KIF21A: variants seen among roughly 807,000 people sequenced by gnomAD.
KIF21A encodes kinesin family member 21A.
Under a neutral mutation model 202.9 loss-of-function variants are expected in KIF21A, and 114 were observed. The observed-to-expected ratio is 0.56, with a 90% confidence interval of 0.48 to 0.66. KIF21A has a LOEUF of 0.66. Ranked by LOEUF, KIF21A falls within the 30% of genes least tolerant of loss-of-function variation. The pLI is 0.00. For missense variants in KIF21A, 1,677 were observed against 1,994.9 expected, an observed-to-expected ratio of 0.84 and a Z score of 3.04; for synonymous variants, 667 against 670.8, an observed-to-expected ratio of 0.99 and a Z score of 0.09.
At chr12:39,370,312 A>T (rs777132529) in intron 1 of KIF21A, 51 bp from the exon 2 acceptor site, 11 of 1,407,726 alleles carry the variant, frequency 7.8e-6, no homozygotes, top group Non-Finnish European at 1.1e-5. Context: ...GCAAAAAAAA[A>T]CCTCTCAAAA....
chr12:39,360,391 T>C (rs1434072228), intron 7 of KIF21A, among the ~76,000 whole-genome samples: 1 of 140,082 alleles, frequency 7.1e-6, no homozygotes, highest in African/African-American at 2.9e-5. Context: ...ATTAGAAATA[T>C]GATTTTTTTT....
At chr12:39,320,726 T>C (rs566291564) in intron 27 of KIF21A, among the ~76,000 whole-genome samples, 1 of 150,928 alleles carries the variant, frequency 6.6e-6, no homozygotes, top group Non-Finnish European at 1.5e-5. Flanking sequence ...CTTGAGGTCA[T>C]GAGTTCAAAA....
At chr12:39,418,649 A>G (rs1336286093) in intron 1 of KIF21A, among the ~76,000 whole-genome samples, 1 of 152,230 alleles carries the variant, frequency 6.6e-6, no homozygotes, top group Non-Finnish European at 1.5e-5. Flanking sequence ...CTACAGTAGC[A>G]TCAGTGAGAA....
chr12:39,364,837 A>C (rs980982123), intron 6 of KIF21A, among the ~76,000 whole-genome samples: 1 of 152,140 alleles, frequency 6.6e-6, no homozygotes, highest in African/African-American at 2.4e-5. Flanking sequence ...CCTGAAACAA[A>C]CCTCTTCTTC....
At chr12:39,388,184 C>T (rs1345950694) in intron 1 of KIF21A, among the ~76,000 whole-genome samples, 3 of 152,026 alleles carry the variant, frequency 2.0e-5, no homozygotes, top group Non-Finnish European at 4.4e-5. Context: ...CCCTCCATGG[C>T]GGGGACCGGA....
chr12:39,394,969 T>G (rs1246333730), intron 1 of KIF21A, among the ~76,000 whole-genome samples: 1 of 152,204 alleles, frequency 6.6e-6, no homozygotes, highest in African/African-American at 2.4e-5. Context: ...CTCTCTTACC[T>G]ATCTCACACC....
intron 23 of KIF21A, 118 bp downstream of exon 23, chr12:39,330,628 G>T: frequency 1.2e-6 from 1 of 854,900 alleles, no homozygotes. Flanking sequence ...ATTATTAAAA[G>T]CATGAGTAAA....
chr12:39,320,948 AAAAAAAAAAAAG>A (rs1945171065), intron 27 of KIF21A, among the ~76,000 whole-genome samples: 2 of 150,958 alleles, frequency 1.3e-5, no homozygotes, highest in African/African-American at 4.9e-5. Flanking sequence ...AAAAAAAAAA[AAAAAAAAAAAAG>A]TCTGGGAAAA....
At chr12:39,351,751 AT>A (rs748510545) in intron 11 of KIF21A, 25 bp downstream of exon 11, 1 of 1,332,710 alleles carries the variant, frequency 7.5e-7, no homozygotes, top group South Asian at 1.2e-5. Context: ...ATAGAGATTC[AT>A]TTAGTGGTGA....
At position 39,333,324 on chromosome 12, in the gene KIF21A, T is replaced by C. The variant is rs765450513; in HGVS notation, c.2419-44A>G. 34 of 1,320,834 alleles carry C rather than the reference T, an allele frequency of 2.6e-5. No individual in the cohort carries two copies. The East Asian group carries it at 6.4e-4, about 25-fold the overall frequency. 81.8% of individuals were successfully genotyped at this position (1,320,834 alleles called of 1,614,324 possible). A position where few individuals can be genotyped will look rare whatever the true frequency, so the allele number is the denominator to read the frequency against. Reference sequence around the variant, plus strand: ...TAAGTGGAAATAGTAAAGTGAAAGATACAATATTTCCTATTCCTATATGAA... The same window carrying C: ...TAAGTGGAAATAGTAAAGTGAAAGACACAATATTTCCTATTCCTATATGAA... On this transcript the variant is annotated intron_variant, in intron 17 of 37. Coordinates refer to ENST00000361418, the MANE Select transcript of KIF21A (RefSeq NM_001173464.2).
chr12:39,414,778 G>A (rs1372081384), intron 1 of KIF21A, among the ~76,000 whole-genome samples: 1 of 152,100 alleles, frequency 6.6e-6, no homozygotes, highest in Middle Eastern at 3.2e-3. Flanking sequence ...AATTTAGAGA[G>A]TCAATCAACA....
At chr12:39,385,032 A>G (rs1950850819) in intron 1 of KIF21A, among the ~76,000 whole-genome samples, 1 of 152,212 alleles carries the variant, frequency 6.6e-6, no homozygotes, top group Non-Finnish European at 1.5e-5. Flanking sequence ...TAATGTAATC[A>G]TAGGAGTGAT....
chr12:39,349,021 T>C (rs1251182440), intron 11 of KIF21A, among the ~76,000 whole-genome samples: 1 of 151,870 alleles, frequency 6.6e-6, no homozygotes, highest in African/African-American at 2.4e-5. Context: ...AATAGATAAT[T>C]TTGAAATTGG....
chr12:39,387,794 T>G (rs1951053881), intron 1 of KIF21A, among the ~76,000 whole-genome samples: 5 of 152,052 alleles, frequency 3.3e-5, no homozygotes, highest in Admixed American at 3.3e-4. Context: ...CAATAAATTA[T>G]GAGATGGATG....
In KIF21A at chr12:39,357,244, A is replaced by G. The variant is rs1948845639; in HGVS notation, c.1405+4T>C. 6.2e-7 allele frequency: 1 copy of G among 1,613,890 alleles called. No homozygotes were observed. Among genetic ancestry groups the G allele is most frequent in the African/African-American group, 1.3e-5 (1 of 74,930 alleles). On this transcript the variant is annotated splice_donor_region_variant and intron_variant, in intron 9 of 37. Transcript: ENST00000361418. ...CCCTCACTTATCCCACCCTACCCAC[A>G]TACCTGCTCTGGCAAGAACATGGTT...
At chr12:39,332,790 T>A (rs1801885531) in intron 19 of KIF21A, 46 bp from the exon 20 acceptor site, 1 of 1,606,390 alleles carries the variant, frequency 6.2e-7, no homozygotes, top group Admixed American at 1.7e-5. Flanking sequence ...ATGCACTTAT[T>A]TGATTGTGCA....
At chr12:39,303,423 C>T (rs761348957) in intron 35 of KIF21A, among the ~76,000 whole-genome samples, 6 of 152,140 alleles carry the variant, frequency 3.9e-5, no homozygotes, top group African/African-American at 1.4e-4. Flanking sequence ...CTCAACCTCC[C>T]GAGTAGCTGG....
rs1946573186 is a variant in KIF21A at position 39,332,302 on chromosome 12, T to G, written c.2963A>C (p.Glu988Ala). 1 of 1,613,436 alleles carries G rather than the reference T, an allele frequency of 6.2e-7. No homozygotes were observed. The highest frequency in any genetic ancestry group is 1.3e-5 in the African/African-American group (1 of 75,004). Residue 988 changes from glutamate to alanine, a missense_variant, in exon 21 of 38, where the codon GAG becomes GCG. Around this residue, in one of 3 missense-constraint regions of KIF21A, gnomAD observed 966 missense variants for 1,180.9 expected, o/e 0.82. Coordinates refer to ENST00000361418, the MANE Select transcript of KIF21A (RefSeq NM_001173464.2). The part of the protein sequence containing the change: ...GDKNVANINE[E>A]MESLTANIDY... The stretch of plus-strand genomic sequence containing the variant: ...GATATTAGCAGTCAGTGACTCCATC[T>G]CTTCATTGATATTAGCCACATTTTT...
At chr12:39,353,459 A>C (rs1239618400) in intron 10 of KIF21A, among the ~76,000 whole-genome samples, 1 of 152,208 alleles carries the variant, frequency 6.6e-6, no homozygotes, top group East Asian at 1.9e-4. Context: ...AAAATGTTTT[A>C]GAGAAAATTC....
Sources: gnomAD v4.1 joint callset for allele counts (sites outside exome capture counted in the v4.1 genomes callset) on GRCh38, gnomAD v4.1.1 for gene constraint, gnomAD v4.1.1 regional missense constraint, MANE v1.5 for transcripts, NCBI Gene and HGNC (gene_info 2026-07-23, HGNC 2026-07-21) for gene names.